ZZEF1: variants seen among roughly 807,000 people sequenced by gnomAD.
ZZEF1 encodes zinc finger ZZ-type and EF-hand domain containing 1, also known as zinc finger ZZ-type and EF-hand domain-containing protein 1.
A neutral mutation model predicts 342.8 loss-of-function variants in ZZEF1; 157 were observed. The observed-to-expected ratio is 0.46, with a 90% CI of 0.40 to 0.52. ZZEF1 has a LOEUF of 0.52. Ranked by LOEUF, ZZEF1 falls within the 20% of genes least tolerant of loss-of-function variation. The pLI, the probability that ZZEF1 is intolerant of heterozygous loss-of-function variation, is 0.00. For synonymous variants in ZZEF1, 1,505 were observed against 1,429.1 expected, an observed-to-expected ratio of 1.05 and a Z score of -1.20; for missense variants, 3,480 against 3,725.6, an observed-to-expected ratio of 0.93 and a Z score of 1.72.
Position 4,076,987 on chromosome 17 carries a change from C to A in ZZEF1, c.2992G>T (p.Val998Leu), listed in dbSNP as rs374755153. Residue 998 changes from valine to leucine, a missense_variant and splice_region_variant, in exon 20 of 55, where the codon GTG (valine) becomes TTG (leucine). Transcript: ENST00000381638. ...DLAVDLIEKY[V>L]GQFLASMRAI... Reference sequence around the variant, plus strand: ...CTCATGCTTGCCAGAAACTGGCCCACATCTACCGAAACAAAGAAAATAATT... The same window carrying A: ...CTCATGCTTGCCAGAAACTGGCCCAAATCTACCGAAACAAAGAAAATAATT... 4.3e-6 allele frequency: 7 copies of A among 1,611,540 alleles called. No homozygotes were observed. In the African/African-American group the frequency reaches 9.4e-5, roughly 22 times the overall value.
intron 1 of ZZEF1, among the ~76,000 whole-genome samples, chr17:4,127,486 G>A (rs1286179641): frequency 6.6e-6 from 1 of 152,092 alleles, no homozygotes; most frequent in Non-Finnish European, 1.5e-5. Flanking sequence ...GAAAAAGCAG[G>A]GGGCGGTTTA....
chr17:4,097,043 C>T (rs901024644), intron 9 of ZZEF1, among the ~76,000 whole-genome samples: 2 of 151,900 alleles, frequency 1.3e-5, no homozygotes, highest in African/African-American at 2.4e-5. Context: ...GGGTGGATCA[C>T]GAGATCAGGA....
chr17:4,130,248 G>T (rs1346714061), intron 1 of ZZEF1, among the ~76,000 whole-genome samples: 2 of 152,152 alleles, frequency 1.3e-5, no homozygotes, highest in African/African-American at 4.8e-5. Context: ...GAGGTCAGGA[G>T]TTTGAAACTA....
chr17:4,073,146 T>C (rs1174385484), intron 24 of ZZEF1, among the ~76,000 whole-genome samples: 3 of 152,214 alleles, frequency 2.0e-5, no homozygotes, highest in Admixed American at 1.3e-4. Context: ...CCAGCATAGA[T>C]GTGTTTAGAA....
chr17:4,133,428 C>A (rs931116532), intron 1 of ZZEF1, among the ~76,000 whole-genome samples: 1 of 152,144 alleles, frequency 6.6e-6, no homozygotes, highest in Non-Finnish European at 1.5e-5. Flanking sequence ...CCAGATAACC[C>A]CTCGGGTTCC....
At chr17:4,137,302 C>CA (rs1441151151) in intron 1 of ZZEF1, among the ~76,000 whole-genome samples, 1 of 152,112 alleles carries the variant, frequency 6.6e-6, no homozygotes, top group Admixed American at 6.5e-5. Context: ...CACACAAAGC[C>CA]AAAGTAAGCA....
intron 18 of ZZEF1, among the ~76,000 whole-genome samples, chr17:4,078,487 T>C (rs969405230): frequency 3.3e-5 from 5 of 152,324 alleles, no homozygotes; most frequent in Admixed American, 1.3e-4. Context: ...ATACGGAAGA[T>C]TGTACACTAT....
At position 4,021,265 on chromosome 17, in the gene ZZEF1, T is replaced by G. The variant is rs143415395; in HGVS notation, c.7268A>C (p.His2423Pro). 5.5e-5 allele frequency: 89 copies of G among 1,614,200 alleles called. No individual in the cohort carries two copies. Among genetic ancestry groups the G allele is most frequent in the East Asian group, 8.9e-5 (4 of 44,890 alleles). The change falls in exon 45 of 55, where the codon CAC (histidine) becomes CCC (proline). Residue 2423 changes from histidine to proline, a missense_variant. Physicochemically the swap from His to Pro is moderately conservative, Grantham distance 77. Transcript: ENST00000381638. Reference protein sequence around the residue: ...SKKEINALAEHGDLELDERGD... With the variant: ...SKKEINALAEPGDLELDERGD... ...TCGCTCATCCAGCTCTAGGTCTCCG[T>G]GCTCAGCCAAAGCGTTGATCTCCTT...
chr17:4,096,006 T>C, intron 10 of ZZEF1, 27 bp from the exon 11 acceptor site: 1 of 1,575,094 alleles, frequency 6.3e-7, no homozygotes, highest in Non-Finnish European at 8.6e-7. Context: ...GGATGAAGTC[T>C]ATCAAAGGGG....
chr17:4,049,310 A>G (rs2056993826), intron 37 of ZZEF1, among the ~76,000 whole-genome samples: 1 of 152,072 alleles, frequency 6.6e-6, no homozygotes, highest in African/African-American at 2.4e-5. Context: ...CCAGGAGTTC[A>G]AGACCACCCT....
intron 14 of ZZEF1, among the ~76,000 whole-genome samples, 181 bp from the exon 15 acceptor site, chr17:4,086,836 A>C (rs2057839843): frequency 6.6e-6 from 1 of 152,158 alleles, no homozygotes; most frequent in African/African-American, 2.4e-5. Flanking sequence ...AATGTCTGGA[A>C]ACAGATCCCA....
chr17:4,040,431 C>G (rs1293489692), intron 39 of ZZEF1, among the ~76,000 whole-genome samples: 1 of 152,092 alleles, frequency 6.6e-6, no homozygotes, highest in Non-Finnish European at 1.5e-5. Flanking sequence ...GCCAACCAAC[C>G]AAGTGATCCA....
rs2058343143 is a variant in ZZEF1, at chr17:4,113,277, T to C, written c.867-469A>G. ...GAGAGGTGAAAATTTCAATAGCAGC[T>C]TCAGAGCTTCCAGAAATACCACTGT... is the stretch of plus-strand genomic sequence containing the variant. On this transcript the variant is annotated intron_variant, in intron 4 of 54. Coordinates refer to ENST00000381638, the MANE Select transcript of ZZEF1 (RefSeq NM_015113.4). Among the ~76,000 whole-genome samples, 3 of 152,222 alleles carry C rather than the reference T, an allele frequency of 2.0e-5. No individual in the cohort carries two copies. In the South Asian group the frequency reaches 6.2e-4, roughly 31 times the overall value.
At chr17:4,011,886 C>A (rs920836018) in intron 52 of ZZEF1, among the ~76,000 whole-genome samples, 1 of 152,210 alleles carries the variant, frequency 6.6e-6, no homozygotes, top group Admixed American at 6.5e-5. Context: ...TACCTGCGAG[C>A]TGAGAAGGTC....
At chr17:4,068,249 CTACA>C (rs1479122423) in intron 26 of ZZEF1, among the ~76,000 whole-genome samples, 5 of 152,134 alleles carry the variant, frequency 3.3e-5, no homozygotes, top group Non-Finnish European at 5.9e-5. Flanking sequence ...ACTTAGGTTG[CTACA>C]TAAACAGGTT....
intron 6 of ZZEF1, among the ~76,000 whole-genome samples, chr17:4,107,934 G>A (rs1390253126): frequency 2.6e-5 from 4 of 152,184 alleles, no homozygotes; most frequent in African/African-American, 9.7e-5. Context: ...GAAGCATTCC[G>A]AGAATAATGA....
At chr17:4,044,407 T>C (rs1567789206) in intron 37 of ZZEF1, 33 bp from the exon 38 acceptor site, 1 of 1,579,826 alleles carries the variant, frequency 6.3e-7, no homozygotes, top group Middle Eastern at 1.7e-4. Context: ...GAATTAAGGT[T>C]TCTTATAACA....
At chr17:4,041,685 C>T (rs1273047491) in intron 39 of ZZEF1, among the ~76,000 whole-genome samples, 2 of 151,928 alleles carry the variant, frequency 1.3e-5, no homozygotes, top group East Asian at 3.8e-4. Flanking sequence ...AAAAATGACA[C>T]TAAAGTTCAT....
In ZZEF1 at chr17:4,086,596, A is replaced by C. The variant is rs776432136; in HGVS notation, c.2402T>G (p.Phe801Cys). Residue 801 changes from phenylalanine to cysteine, a missense_variant, in exon 15 of 55, where the codon TTC becomes TGC. Phe to Cys is a radical substitution (Grantham distance 205, BLOSUM62 -2). Around this residue, in one of 5 missense-constraint regions of ZZEF1, gnomAD observed 1,528 missense variants for 1,624.1 expected, o/e 0.94. Coordinates refer to ENST00000381638, the MANE Select transcript of ZZEF1 (RefSeq NM_015113.4). ...TLLLQLLQSCFSVLQGDVLAA... is the reference protein window; with the variant it reads ...TLLLQLLQSCCSVLQGDVLAA... Reference sequence around the variant, plus strand: ...CAGTACATCTCCCTGCAGCACAGAGAAGCAGCTCTGGAGTAGCTGCAGAAG... The same window carrying C: ...CAGTACATCTCCCTGCAGCACAGAGCAGCAGCTCTGGAGTAGCTGCAGAAG... 9.3e-6 allele frequency: 15 copies of C among 1,614,216 alleles called. No homozygotes were observed. Among genetic ancestry groups the C allele is most frequent in the Admixed American group, 3.3e-5 (2 of 60,022 alleles).
Sources: gnomAD v4.1 joint callset for allele counts (sites outside exome capture counted in the v4.1 genomes callset) on GRCh38, gnomAD v4.1.1 for gene constraint, gnomAD v4.1.1 regional missense constraint, MANE v1.5 for transcripts, NCBI Gene and HGNC (gene_info 2026-07-23, HGNC 2026-07-21) for gene names.